CAGE1: variants seen among roughly 807,000 people sequenced by gnomAD.
CAGE1 encodes cancer-associated gene 1 protein.
CAGE1 carries 66 observed loss-of-function variants against 94.9 expected under a neutral mutation model. The ratio of observed to expected loss-of-function variants is 0.70; its 90% CI spans 0.57 to 0.85. The LOEUF (loss-of-function observed/expected upper bound fraction) is 0.85, where lower values mean the gene tolerates loss of function less well. CAGE1 is among the 40% of genes least tolerant of loss of function. The probability of loss-of-function intolerance (pLI) is 0.00; values close to 1 mark genes in which losing one functional copy is unlikely to be tolerated. For missense variants in CAGE1, 865 were observed against 950.4 expected, an observed-to-expected ratio of 0.91 and a Z score of 1.18; for synonymous variants, 319 against 321.0, an observed-to-expected ratio of 0.99 and a Z score of 0.07.
At chr6:7,360,686 G>A (rs973024478) in intron 9 of CAGE1, among the ~76,000 whole-genome samples, 5 of 152,220 alleles carry the variant, frequency 3.3e-5, no homozygotes, top group African/African-American at 4.8e-5. Context: ...GCTCACAGCT[G>A]TAATCCCAAC....
intron 11 of CAGE1, among the ~76,000 whole-genome samples, chr6:7,334,319 T>A (rs1163529572): frequency 6.6e-6 from 1 of 152,194 alleles, no homozygotes; most frequent in Non-Finnish European, 1.5e-5. Context: ...AAGTAGACAG[T>A]AGCAAATATG....
At position 7,387,123 on chromosome 6, in the gene CAGE1, A is replaced by G. The variant is rs1056635960; in HGVS notation, c.51T>C (p.His17=). Residue 17 remains histidine, a synonymous_variant, in exon 2 of 14, where the codon CAT becomes CAC. Coordinates refer to ENST00000502583, the MANE Select transcript of CAGE1 (RefSeq NM_001170692.2). The part of the protein sequence containing the change: ...KFWSSPSDPV[H]FEVDTSHEKV... Reference sequence around the variant, plus strand: ...TTTCATGAGAAGTATCCACTTCAAAATGTACAGGATCTGAAGGTGATGACC... The same window carrying G: ...TTTCATGAGAAGTATCCACTTCAAAGTGTACAGGATCTGAAGGTGATGACC... 3 of 1,551,398 alleles carry G rather than the reference A, an allele frequency of 1.9e-6. No homozygotes were observed. Among genetic ancestry groups the G allele is most frequent in the Non-Finnish European group, 2.6e-6 (3 of 1,146,736 alleles).
chr6:7,349,240 T>A (rs2477480), intron 11 of CAGE1, among the ~76,000 whole-genome samples: 67,316 of 151,962 alleles, frequency 0.44, 15,497 homozygotes, highest in African/African-American at 0.57. Context: ...GCTAGAAGGG[T>A]TTGGGGCCCT....
At chr6:7,346,024 A>G (rs768191266) in intron 11 of CAGE1, among the ~76,000 whole-genome samples, 1 of 152,208 alleles carries the variant, frequency 6.6e-6, no homozygotes, top group Non-Finnish European at 1.5e-5. Flanking sequence ...GCACCAATTT[A>G]AAAGAATATT....
intron 3 of CAGE1, among the ~76,000 whole-genome samples, chr6:7,382,091 G>A (rs1461192626): frequency 6.6e-6 from 1 of 151,886 alleles, no homozygotes; most frequent in Non-Finnish European, 1.5e-5. Context: ...GCCCATCTTG[G>A]CCTTCCAAAG....
At chr6:7,387,903 G>A (rs1311194999) in intron 1 of CAGE1, among the ~76,000 whole-genome samples, 1 of 150,428 alleles carries the variant, frequency 6.6e-6, no homozygotes, top group Non-Finnish European at 1.5e-5. Context: ...GCGCGGTGGC[G>A]TGTGCCTGTA....
intron 11 of CAGE1, among the ~76,000 whole-genome samples, chr6:7,345,242 A>AT (rs1235811696): frequency 7.8e-6 from 1 of 127,698 alleles, no homozygotes; most frequent in Non-Finnish European, 1.5e-5. Flanking sequence ...ACCAAGAAGA[A>AT]GGAACAACTC....
At chr6:7,345,047 C>T (rs574130131) in intron 11 of CAGE1, among the ~76,000 whole-genome samples, 105 of 152,254 alleles carry the variant, frequency 6.9e-4, no homozygotes, top group African/African-American at 1.9e-3. Flanking sequence ...AAGCCAGCAG[C>T]GGCAGATGGC....
intron 11 of CAGE1, chr6:7,338,989 G>A: frequency 6.2e-7 from 1 of 1,607,862 alleles, no homozygotes; most frequent in Non-Finnish European, 8.5e-7. Context: ...TTACCAGTTG[G>A]GTCCCAGGGC....
intron 3 of CAGE1, among the ~76,000 whole-genome samples, chr6:7,379,362 G>T (rs1398146546): frequency 6.6e-6 from 1 of 152,130 alleles, no homozygotes; most frequent in Admixed American, 6.5e-5. Flanking sequence ...AAAAGGACAA[G>T]GATAGTATAA....
chr6:7,375,074 AAGAC>A (rs1760687363), intron 4 of CAGE1, among the ~76,000 whole-genome samples: 1 of 151,284 alleles, frequency 6.6e-6, no homozygotes, highest in Non-Finnish European at 1.5e-5. Flanking sequence ...AAAATAAAAA[AAGAC>A]AGTAATTTGT....
intron 11 of CAGE1, among the ~76,000 whole-genome samples, chr6:7,344,607 C>A (rs187512870): frequency 6.6e-6 from 1 of 151,968 alleles, no homozygotes; most frequent in Middle Eastern, 3.2e-3. Context: ...TGCGGGCGTA[C>A]GGCCCGAGAC....
chr6:7,365,401 T>C, intron 9 of CAGE1, 67 bp downstream of exon 9: 2 of 1,326,512 alleles, frequency 1.5e-6, no homozygotes, highest in South Asian at 2.6e-5. Flanking sequence ...TGATAACTTC[T>C]TAAACTTGCT....
intron 4 of CAGE1, 102 bp downstream of exon 4, chr6:7,378,515 T>C: frequency 1.0e-6 from 1 of 998,602 alleles, no homozygotes; most frequent in Non-Finnish European, 1.4e-6. Context: ...TTACTGACCA[T>C]CACAATCGTA....
chr6:7,361,418 A>T (rs1163843314), intron 9 of CAGE1, among the ~76,000 whole-genome samples: 1 of 152,224 alleles, frequency 6.6e-6, no homozygotes, highest in East Asian at 1.9e-4. Flanking sequence ...AAATGAATTT[A>T]TAACCAACAT....
At chr6:7,345,391 T>C (rs1318212785) in intron 11 of CAGE1, among the ~76,000 whole-genome samples, 1 of 152,168 alleles carries the variant, frequency 6.6e-6, no homozygotes, top group African/African-American at 2.4e-5. Context: ...AAACGCCAGA[T>C]GTGCCATCTT....
chr6:7,326,922 T>C lies in CAGE1; in HGVS notation c.2479-23A>G, dbSNP rs745549558. 4.5e-6 allele frequency: 7 copies of C among 1,569,338 alleles called. No homozygotes were observed. The Admixed American group carries it at 6.7e-5, about 15-fold the overall frequency. ...CATCTAAAAATGAAAGGAAAAATGT[T>C]TCGTAAGTTTTGGGGAAAGACTAAC... On this transcript the variant is annotated intron_variant, in intron 13 of 13. Transcript: ENST00000502583.
At position 7,368,855 on chromosome 6, in the gene CAGE1, G is replaced by A. The variant is rs1760443190; in HGVS notation, c.1894-57C>T. Reference sequence around the variant, plus strand: ...AAAGTTTTTACTAAAGCTAAAATGAGGCCAAAACTATGCATATGAAACAAA... The same window carrying A: ...AAAGTTTTTACTAAAGCTAAAATGAAGCCAAAACTATGCATATGAAACAAA... On this transcript the variant is annotated intron_variant, in intron 6 of 13. Coordinates refer to ENST00000502583, the MANE Select transcript of CAGE1 (RefSeq NM_001170692.2). 3 of 1,007,812 alleles carry A rather than the reference G, an allele frequency of 3.0e-6. No homozygotes were observed. In the East Asian group the frequency reaches 8.1e-5, roughly 27 times the overall value. 62.4% of individuals were successfully genotyped at this position (1,007,812 alleles called of 1,614,324 possible).
At chr6:7,371,204 T>C (rs780497254) in intron 5 of CAGE1, among the ~76,000 whole-genome samples, 5 of 152,124 alleles carry the variant, frequency 3.3e-5, no homozygotes, top group Non-Finnish European at 7.4e-5. Flanking sequence ...ACCCCAGAAT[T>C]ACTGAATCAG....
Sources: allele counts gnomAD v4.1 joint callset (sites outside exome capture counted in the v4.1 genomes callset), GRCh38; gene constraint gnomAD v4.1.1; transcripts MANE v1.5; gene names NCBI Gene and HGNC (gene_info 2026-07-23, HGNC 2026-07-21).